Variants in ZNF33B observed in about 807,000 individuals in gnomAD.
The protein encoded by ZNF33B is zinc finger protein 11b (KOX 2).
Under a neutral mutation model 45.8 loss-of-function variants are expected in ZNF33B, and 29 were observed. The observed-to-expected ratio is 0.63, with a 90% confidence interval of 0.47 to 0.86. The LOEUF is 0.86. Among genes scored for constraint, ZNF33B ranks in the 40% least tolerant of loss-of-function variants. The pLI is 0.00. For synonymous variants in ZNF33B, 305 were observed against 307.8 expected (o/e 0.99, Z 0.10); for missense variants, 831 against 909.9 (o/e 0.91, Z 1.12).
chr10:42,634,898 ATAAACT>A (rs1839217650), intron 2 of ZNF33B, among the ~76,000 whole-genome samples: 1 of 152,256 alleles, frequency 6.6e-6, no homozygotes, highest in Admixed American at 6.5e-5. Flanking sequence ...CCATCAACAA[ATAAACT>A]TAATAAACTA....
At chr10:42,586,799 T>G (rs1339706037), downstream of ZNF33B, among the ~76,000 whole-genome samples, 1 of 152,208 alleles carries the variant, frequency 6.6e-6, no homozygotes, top group Non-Finnish European at 1.5e-5. Context: ...AAATGCCAAA[T>G]TTCCAAGAGA....
At chr10:42,584,485 T>C (rs1443109474), downstream of ZNF33B, among the ~76,000 whole-genome samples, 2 of 151,210 alleles carry the variant, frequency 1.3e-5, no homozygotes. Context: ...TGCAGCAGCC[T>C]AGGGCATGGC....
intron 4 of ZNF33B, among the ~76,000 whole-genome samples, chr10:42,619,860 C>A (rs1838493206): frequency 6.6e-6 from 1 of 151,984 alleles, no homozygotes; most frequent in African/African-American, 2.4e-5. Flanking sequence ...AAGACAATAT[C>A]TTAAAAATGT....
chr10:42,634,977 T>G (rs1007679292), intron 2 of ZNF33B, among the ~76,000 whole-genome samples: 3 of 152,204 alleles, frequency 2.0e-5, no homozygotes, highest in Non-Finnish European at 2.9e-5. Context: ...CCAGGCATGG[T>G]GGCTCACACC....
intron 4 of ZNF33B, among the ~76,000 whole-genome samples, chr10:42,624,181 G>A (rs1838705472): frequency 6.6e-6 from 1 of 152,200 alleles, no homozygotes; most frequent in African/African-American, 2.4e-5. Flanking sequence ...CATCGTGAGG[G>A]CCCCACCCTC....
At chr10:42,584,450 CACA>C (rs1836888506), downstream of ZNF33B, among the ~76,000 whole-genome samples, 1 of 151,994 alleles carries the variant, frequency 6.6e-6, no homozygotes, top group Non-Finnish European at 1.5e-5. Context: ...GGTGCTGCTC[CACA>C]ACGTGCTCAC....
At chr10:42,637,258 TATA>T (rs1839348029) in intron 1 of ZNF33B, among the ~76,000 whole-genome samples, 1 of 152,202 alleles carries the variant, frequency 6.6e-6, no homozygotes, top group Admixed American at 6.5e-5. Flanking sequence ...ACAAAAAATG[TATA>T]ATGACAATAT....
intron 4 of ZNF33B, among the ~76,000 whole-genome samples, chr10:42,616,667 C>G (rs1333405602): frequency 6.6e-6 from 1 of 152,080 alleles, no homozygotes; most frequent in Non-Finnish European, 1.5e-5. Context: ...GATTTTTCAA[C>G]AAATAGTGTA....
chr10:42,620,567 A>AT (rs1195207102), intron 4 of ZNF33B, among the ~76,000 whole-genome samples: 260 of 142,372 alleles, frequency 1.8e-3, no homozygotes, highest in African/African-American at 2.6e-3. Context: ...ACACCCAACT[A>AT]TTTTTTTTTT....
At position 42,593,364 on chromosome 10, in the gene ZNF33B, TC is replaced by T. The variant is rs866861535; in HGVS notation, c.1585del (p.Glu529AsnfsTer8). 4.3e-6 allele frequency: 7 copies of T among 1,613,830 alleles called. No individual in the cohort carries two copies. Among genetic ancestry groups the T allele is most frequent in the Non-Finnish European group, 5.9e-6 (7 of 1,179,944 alleles). ...CTTCAAGCAGAAGGTTTTCCCACAT[TC>T]ATAACATTCATAAGGTTTCAACCCT... ...HTGLKPYECY[E>X]CGKTFCLKSD... On this transcript the variant is annotated frameshift_variant, in exon 5 of 5. Coordinates refer to ENST00000359467, the MANE Select transcript of ZNF33B (RefSeq NM_006955.3). LOFTEE classifies it high-confidence loss of function.
Position 42,592,540 on chromosome 10 carries a change from C to A in ZNF33B, c.*73G>T. 6.6e-7 allele frequency: 1 copy of A among 1,524,406 alleles called. No individual in the cohort carries two copies. The highest frequency in any genetic ancestry group is 8.8e-7 in the Non-Finnish European group (1 of 1,132,976). 94.4% of individuals were successfully genotyped at this position (1,524,406 alleles called of 1,614,324 possible). The stretch of plus-strand genomic sequence containing the variant: ...ATTGAACATTCAGGATGTCAACAGG[C>A]CCTTCTCCACAGTGTGAAGACTCTG... On this transcript the variant is annotated 3_prime_UTR_variant, in exon 5 of 5. Coordinates refer to ENST00000359467, the MANE Select transcript of ZNF33B (RefSeq NM_006955.3).
At chr10:42,605,568 T>C (rs1286740779) in intron 4 of ZNF33B, among the ~76,000 whole-genome samples, 1 of 152,160 alleles carries the variant, frequency 6.6e-6, no homozygotes, top group African/African-American at 2.4e-5. Context: ...GAGAATCCAT[T>C]GCTAGTAGAC....
intron 4 of ZNF33B, among the ~76,000 whole-genome samples, chr10:42,613,352 A>G (rs1182759171): frequency 6.6e-6 from 1 of 152,084 alleles, no homozygotes; most frequent in Non-Finnish European, 1.5e-5. Flanking sequence ...GTTCGTGACC[A>G]GCCTGTACAA....
chr10:42,604,083 G>T (rs1478325236), intron 4 of ZNF33B, among the ~76,000 whole-genome samples: 4 of 152,178 alleles, frequency 2.6e-5, no homozygotes, highest in Non-Finnish European at 5.9e-5. Flanking sequence ...AGGAAAAATG[G>T]CAGGCAACAG....
intron 2 of ZNF33B, among the ~76,000 whole-genome samples, chr10:42,635,809 CAAAAAAA>C (rs35517157): frequency 4.9e-5 from 5 of 102,882 alleles, no homozygotes; most frequent in East Asian, 2.9e-4. Flanking sequence ...ACTCTGTATC[CAAAAAAA>C]AAAAAAAAAA....
rs1226956382 is a variant in ZNF33B, at chr10:42,593,261, G to T, written c.1689C>A (p.Ser563Arg). ...AATGTTGAGAGAGGGTTGACTTATG[G>T]CTAAAGAATTTCCCACATTCAGGAC... ...FACPECGKFF[S>R]HKSTLSQHYR... The change falls in exon 5 of 5, where the codon AGC (serine) becomes AGA (arginine). Residue 563 changes from serine to arginine, a missense_variant. By Grantham distance (110) the Ser-to-Arg change is moderately radical. Transcript: ENST00000359467. The T allele has an allele frequency of 6.2e-7, 1 of 1,614,028 alleles. No homozygotes were observed. Among genetic ancestry groups the T allele is most frequent in the Non-Finnish European group, 8.5e-7 (1 of 1,179,978 alleles).
chr10:42,628,073 G>GTA (rs1471794429), intron 4 of ZNF33B, among the ~76,000 whole-genome samples: 2 of 152,066 alleles, frequency 1.3e-5, no homozygotes, highest in African/African-American at 4.8e-5. Context: ...TTACAGTGTA[G>GTA]TAGCACAATC....
chr10:42,585,077 T>C (rs1836904344), downstream of ZNF33B, among the ~76,000 whole-genome samples: 2 of 152,300 alleles, frequency 1.3e-5, no homozygotes, highest in African/African-American at 4.8e-5. Flanking sequence ...GGAGACACCA[T>C]GTCCTGGGAC....
intron 1 of ZNF33B, among the ~76,000 whole-genome samples, chr10:42,580,213 C>G (rs1450860319): frequency 6.6e-6 from 1 of 151,902 alleles, no homozygotes; most frequent in South Asian, 2.1e-4. Context: ...CATAAAGTCC[C>G]GTTTCTCATC....
Sources: gnomAD v4.1 joint callset for allele counts (sites outside exome capture counted in the v4.1 genomes callset) on GRCh38, gnomAD v4.1.1 for gene constraint, MANE v1.5 for transcripts, NCBI Gene and HGNC (gene_info 2026-07-23, HGNC 2026-07-21) for gene names.